RBMS3: variants seen among roughly 807,000 people sequenced by gnomAD.
The protein encoded by RBMS3 is RNA binding motif single stranded interacting protein 3.
RBMS3 carries 27 observed loss-of-function variants against 66.8 expected under a neutral mutation model. That is an observed-to-expected ratio of 0.40 (90% confidence interval 0.30 to 0.56). The LOEUF (loss-of-function observed/expected upper bound fraction) is 0.56, where lower values mean the gene tolerates loss of function less well. RBMS3 is among the 20% of genes least tolerant of loss of function. The pLI is 0.40. For missense variants in RBMS3, 513 were observed against 549.5 expected (o/e 0.93, Z 0.66); for synonymous variants, 188 against 183.0 (o/e 1.03, Z -0.22).
At chr3:29,766,439 A>T (rs1184508329) in intron 6 of RBMS3, 7 of 151,972 alleles carry the variant, frequency 4.6e-5, no homozygotes, top group Admixed American at 4.6e-4. Flanking sequence ...GACCACATTT[A>T]TGTTGCTGCC....
At chr3:29,323,691 T>C (rs201439163) in intron 1 of RBMS3, among the ~76,000 whole-genome samples, 31 of 144,258 alleles carry the variant, frequency 2.1e-4, no homozygotes, top group African/African-American at 6.1e-4. Context: ...CACACACACA[T>C]ACACACACAC....
chr3:29,578,672 A>G (rs13316164), intron 3 of RBMS3, among the ~76,000 whole-genome samples: 49,922 of 149,870 alleles, frequency 0.33, 9,847 homozygotes, highest in African/African-American at 0.54. Flanking sequence ...GGAAAATGCT[A>G]GTGTGCAAAA....
intron 4 of RBMS3, among the ~76,000 whole-genome samples, chr3:29,601,280 C>T (rs1180246030): frequency 6.6e-6 from 1 of 151,958 alleles, no homozygotes; most frequent in Admixed American, 6.6e-5. Context: ...ATAACCATCA[C>T]AGAAACTATG....
chr3:29,609,221 A>G (rs2048411341), intron 4 of RBMS3, among the ~76,000 whole-genome samples: 1 of 152,058 alleles, frequency 6.6e-6, no homozygotes. Flanking sequence ...AGACAGGTTA[A>G]CGAACACTTT....
At chr3:29,681,989 C>T (rs1275966414) in intron 4 of RBMS3, among the ~76,000 whole-genome samples, 1 of 152,126 alleles carries the variant, frequency 6.6e-6, no homozygotes, top group Non-Finnish European at 1.5e-5. Context: ...AAAAGCATTC[C>T]TTTTTATCTA....
At chr3:30,002,906 T>C (rs1457076045) in intron 14 of RBMS3, among the ~76,000 whole-genome samples, 2 of 151,942 alleles carry the variant, frequency 1.3e-5, no homozygotes, top group Non-Finnish European at 2.9e-5. Context: ...TAGCCCCCAC[T>C]CCCTCAATCA....
intron 6 of RBMS3, among the ~76,000 whole-genome samples, chr3:29,812,389 G>A (rs950415939): frequency 1.3e-5 from 2 of 152,104 alleles, no homozygotes; most frequent in African/African-American, 2.4e-5. Context: ...TAAAGAGACC[G>A]TCATTGAGTG....
intron 4 of RBMS3, among the ~76,000 whole-genome samples, chr3:29,732,948 C>T (rs974274697): frequency 2.0e-5 from 3 of 152,026 alleles, no homozygotes; most frequent in Non-Finnish European, 4.4e-5. Context: ...TATTCACTTA[C>T]TAACTTAAAA....
At chr3:29,774,296 T>C (rs971079205) in intron 6 of RBMS3, among the ~76,000 whole-genome samples, 7 of 151,970 alleles carry the variant, frequency 4.6e-5, no homozygotes, top group Non-Finnish European at 8.8e-5. Flanking sequence ...ATAAAAGGGA[T>C]ACACCATTTA....
intron 2 of RBMS3, among the ~76,000 whole-genome samples, chr3:29,459,944 G>A (rs1364485643): frequency 6.6e-6 from 1 of 152,156 alleles, no homozygotes; most frequent in Non-Finnish European, 1.5e-5. Flanking sequence ...GTGCCAAATG[G>A]TCCACTAGCT....
At chr3:29,718,157 G>T (rs2053486502) in intron 4 of RBMS3, among the ~76,000 whole-genome samples, 1 of 151,890 alleles carries the variant, frequency 6.6e-6, no homozygotes, top group South Asian at 2.1e-4. Context: ...ATCAATAATT[G>T]TAATGATAAA....
chr3:29,894,077 T>C (rs2060065481), intron 8 of RBMS3, among the ~76,000 whole-genome samples: 1 of 151,608 alleles, frequency 6.6e-6, no homozygotes, highest in Non-Finnish European at 1.5e-5. Flanking sequence ...CATAACAAAG[T>C]GGCTTGATTG....
intron 1 of RBMS3, among the ~76,000 whole-genome samples, chr3:29,357,604 G>GA (rs2037303464): frequency 6.6e-6 from 1 of 152,116 alleles, no homozygotes; most frequent in Non-Finnish European, 1.5e-5. Context: ...TCTAGTTCTA[G>GA]ATCCCTGAGG....
intron 6 of RBMS3, among the ~76,000 whole-genome samples, 157 bp from the exon 7 acceptor site, chr3:29,868,701 G>A (rs1177864591): frequency 1.3e-5 from 2 of 152,040 alleles, no homozygotes; most frequent in African/African-American, 2.4e-5. Context: ...TTAGAACAGC[G>A]GCCAACAGAG....
chr3:29,872,319 G>C (rs535221743), intron 7 of RBMS3, among the ~76,000 whole-genome samples: 53 of 152,116 alleles, frequency 3.5e-4, no homozygotes, highest in African/African-American at 1.2e-3. Context: ...AAAAGTGGTG[G>C]ACTTTTCTAT....
At chr3:29,838,137 A>T (rs2058571947) in intron 6 of RBMS3, among the ~76,000 whole-genome samples, 1 of 148,540 alleles carries the variant, frequency 6.7e-6, no homozygotes, top group Admixed American at 6.8e-5. Context: ...CTGAGTTCAC[A>T]ACCAGCCTGG....
At chr3:29,620,205 T>C (rs920164793) in intron 4 of RBMS3, among the ~76,000 whole-genome samples, 1 of 152,180 alleles carries the variant, frequency 6.6e-6, no homozygotes, top group East Asian at 1.9e-4. Flanking sequence ...ATATTTTGGA[T>C]TGGATCCTTT....
chr3:29,994,625 G>A (rs1264403131), intron 14 of RBMS3, among the ~76,000 whole-genome samples: 3 of 152,200 alleles, frequency 2.0e-5, no homozygotes, highest in Non-Finnish European at 4.4e-5. Flanking sequence ...CCTGACCCCC[G>A]AGCAGCCTAA....
chr3:29,543,038 T>C (rs1330090167), intron 3 of RBMS3, among the ~76,000 whole-genome samples: 2 of 152,194 alleles, frequency 1.3e-5, no homozygotes, highest in Non-Finnish European at 2.9e-5. Flanking sequence ...GCGTCCCCTC[T>C]TTGAATGAGA....
Sources: allele counts gnomAD v4.1 joint callset (sites outside exome capture counted in the v4.1 genomes callset), GRCh38; gene constraint gnomAD v4.1.1; transcripts MANE v1.5; gene names NCBI Gene and HGNC (gene_info 2026-07-23, HGNC 2026-07-21).